Variants in NELL1 observed in about 807,000 individuals in gnomAD.
The protein encoded by NELL1 is neural EGFL like 1.
In NELL1, 76 loss-of-function variants were observed where a neutral mutation model predicts 107.4. That is an observed-to-expected ratio of 0.71 (90% CI 0.59 to 0.86). The LOEUF is 0.86. Among genes scored for constraint, NELL1 ranks in the 40% least tolerant of loss-of-function variants. The pLI is 0.00. For synonymous variants in NELL1, 353 were observed against 341.2 expected (o/e 1.03, Z -0.38); for missense variants, 1,024 against 1,005.5 (o/e 1.02, Z -0.25).
chr11:21,205,850 T>G (rs900229470), intron 13 of NELL1, among the ~76,000 whole-genome samples: 2 of 152,186 alleles, frequency 1.3e-5, no homozygotes, highest in Non-Finnish European at 2.9e-5. Context: ...CTGATTTAAA[T>G]GCAGTGTGTC....
rs117860991 is a variant in NELL1, at chr11:21,546,772, A to T, written c.1786+12258A>T. ...AGTGGCATGAAAATGGACTAATACA[A>T]TTATCTACAATTTCTTTGAAATGAA... is the stretch of plus-strand genomic sequence containing the variant. On this transcript the variant is annotated intron_variant, in intron 16 of 19. Coordinates refer to ENST00000357134, the MANE Select transcript of NELL1 (RefSeq NM_006157.5). Among the ~76,000 whole-genome samples, 1,229 of 152,158 alleles carry T rather than the reference A, an allele frequency of 8.1e-3. 11 individuals are homozygous for T. The highest frequency in any genetic ancestry group is 0.011 in the Non-Finnish European group (775 of 67,966).
At chr11:21,057,209 G>T (rs1171912402) in intron 12 of NELL1, among the ~76,000 whole-genome samples, 1 of 151,920 alleles carries the variant, frequency 6.6e-6, no homozygotes, top group Admixed American at 6.6e-5. Flanking sequence ...AGACATAAAT[G>T]GCCCATTGAA....
chr11:20,846,899 A>G (rs1045122901), intron 3 of NELL1, among the ~76,000 whole-genome samples: 3 of 152,192 alleles, frequency 2.0e-5, no homozygotes, highest in Non-Finnish European at 4.4e-5. Context: ...GTAGCATTTT[A>G]TGACTGAAGT....
Position 21,113,708 on chromosome 11 carries a change from T to G in NELL1, c.1420T>G (p.Cys474Gly). 1.2e-6 allele frequency: 2 copies of G among 1,611,194 alleles called. No homozygotes were observed. Among genetic ancestry groups the G allele is most frequent in the South Asian group, 2.2e-5 (2 of 90,710 alleles). The change falls in exon 13 of 20, where the codon TGT becomes GGT. Residue 474 changes from cysteine to glycine, a missense_variant. Physicochemically the swap from Cys to Gly is radical, Grantham distance 159 (BLOSUM62 -3). Transcript: ENST00000357134. ...ATACATTCGTGTGGATGACTTCTCT[T>G]GTACAGGTGAGCTTTAAGAAGCAGT... is the stretch of plus-strand genomic sequence containing the variant. The part of the protein sequence containing the change: ...PGYIRVDDFS[C>G]TEHDECGSGQ...
chr11:21,146,468 A>G (rs1231331698), intron 13 of NELL1, among the ~76,000 whole-genome samples: 2 of 152,172 alleles, frequency 1.3e-5, no homozygotes, highest in African/African-American at 4.8e-5. Context: ...GAGAGCTGTC[A>G]TTATAGTCGC....
intron 15 of NELL1, among the ~76,000 whole-genome samples, chr11:21,409,742 A>G (rs182576754): frequency 6.6e-6 from 1 of 152,054 alleles, no homozygotes; most frequent in East Asian, 1.9e-4. Flanking sequence ...TATTCCCCAT[A>G]TAAACTGGTC....
At position 21,250,994 on chromosome 11, in the gene NELL1, T is replaced by G. The variant is rs1366630181; in HGVS notation, c.1549+21540T>G. On this transcript the variant is annotated intron_variant, in intron 14 of 19. Coordinates refer to ENST00000357134, the MANE Select transcript of NELL1 (RefSeq NM_006157.5). Reference sequence around the variant, plus strand: ...GCCCCACTACGTTCTTGTGGCATTCTCTTTTCCTTTTGAGTCCTCGGTTCT... The same window carrying G: ...GCCCCACTACGTTCTTGTGGCATTCGCTTTTCCTTTTGAGTCCTCGGTTCT... Among the ~76,000 whole-genome samples, 3 of 152,246 alleles carry G rather than the reference T, an allele frequency of 2.0e-5. No homozygotes were observed. The East Asian group carries it at 5.8e-4, about 29-fold the overall frequency.
intron 3 of NELL1, among the ~76,000 whole-genome samples, chr11:20,813,635 T>A (rs1175858545): frequency 6.6e-6 from 1 of 152,214 alleles, no homozygotes; most frequent in Non-Finnish European, 1.5e-5. Context: ...GAGGTGGGAA[T>A]GCTCCTTAGC....
intron 12 of NELL1, among the ~76,000 whole-genome samples, chr11:21,008,768 T>C (rs1852384442): frequency 6.6e-6 from 1 of 152,142 alleles, no homozygotes; most frequent in Non-Finnish European, 1.5e-5. Context: ...TAACTTTCTT[T>C]TGTATCATAG....
chr11:20,876,658 G>C (rs987637441), intron 4 of NELL1, among the ~76,000 whole-genome samples: 33 of 152,190 alleles, frequency 2.2e-4, no homozygotes, highest in African/African-American at 7.2e-4. Flanking sequence ...CCAGCTACTT[G>C]GGAGGCTGAG....
chr11:21,438,253 A>ATGAC (rs1853182252), intron 15 of NELL1, among the ~76,000 whole-genome samples: 1 of 129,720 alleles, frequency 7.7e-6, no homozygotes, highest in Non-Finnish European at 1.6e-5. Flanking sequence ...GTATTCTTAC[A>ATGAC]TGACAGTTTT....
intron 3 of NELL1, among the ~76,000 whole-genome samples, chr11:20,824,704 T>C (rs1857841108): frequency 6.6e-6 from 1 of 151,332 alleles, no homozygotes; most frequent in Non-Finnish European, 1.5e-5. Flanking sequence ...AATAGACTGT[T>C]GGTATTTTGC....
chr11:20,714,335 C>G (rs1855187837), intron 2 of NELL1, among the ~76,000 whole-genome samples: 1 of 148,472 alleles, frequency 6.7e-6, no homozygotes, highest in South Asian at 2.2e-4. Context: ...TCCTGAGTAG[C>G]TGGAACTACA....
rs566629670 is a variant in NELL1 at position 20,799,733 on chromosome 11, A to G, written c.335+15903A>G. 7.5e-4 allele frequency among the ~76,000 whole-genome samples: 114 copies of G among 152,266 alleles called. 1 individual carries two copies. The highest frequency in any genetic ancestry group is 2.3e-3 in the African/African-American group (96 of 41,550). ...GGGAGTACATGCACAGAGTTGTTAC[A>G]CTGTTATACTGCATGATGCTGAGGG... is the stretch of plus-strand genomic sequence containing the variant. On this transcript the variant is annotated intron_variant, in intron 3 of 19. Transcript: ENST00000357134.
chr11:21,568,784 C>T (rs750461891), intron 17 of NELL1, among the ~76,000 whole-genome samples: 2 of 151,640 alleles, frequency 1.3e-5, no homozygotes, highest in South Asian at 2.1e-4. Context: ...GACAATAACA[C>T]GCACAGAGCT....
At chr11:20,811,182 G>A (rs929970200) in intron 3 of NELL1, among the ~76,000 whole-genome samples, 8 of 152,036 alleles carry the variant, frequency 5.3e-5, no homozygotes, top group Admixed American at 3.3e-4. Context: ...AAGAAATAAC[G>A]GTCTAATTTT....
At chr11:21,400,951 G>C (rs1222997837) in intron 15 of NELL1, among the ~76,000 whole-genome samples, 1 of 151,866 alleles carries the variant, frequency 6.6e-6, no homozygotes, top group Non-Finnish European at 1.5e-5. Context: ...GCCTGTGTCA[G>C]TTACACAGAA....
chr11:21,406,971 C>T (rs973225236), intron 15 of NELL1, among the ~76,000 whole-genome samples: 1 of 152,006 alleles, frequency 6.6e-6, no homozygotes, highest in Non-Finnish European at 1.5e-5. Flanking sequence ...CTCTCTTCAC[C>T]CTCCTATCCT....
At chr11:21,305,471 A>G (rs1314075333) in intron 14 of NELL1, among the ~76,000 whole-genome samples, 1 of 151,994 alleles carries the variant, frequency 6.6e-6, no homozygotes. Flanking sequence ...AATTAATCAT[A>G]ATTGCCATTC....
Sources: gnomAD v4.1 joint callset for allele counts (sites outside exome capture counted in the v4.1 genomes callset) on GRCh38, gnomAD v4.1.1 for gene constraint, MANE v1.5 for transcripts, NCBI Gene and HGNC (gene_info 2026-07-23, HGNC 2026-07-21) for gene names.